Variants in FHIP1A observed in about 807,000 individuals in gnomAD.
FHIP1A encodes the protein FHF complex subunit HOOK interacting protein 1A, also known as FHF complex subunit HOOK-interacting protein 1A.
Under a neutral mutation model 88.6 loss-of-function variants are expected in FHIP1A, and 61 were observed. The ratio of observed to expected loss-of-function variants is 0.69; its 90% CI spans 0.56 to 0.85. FHIP1A has a LOEUF of 0.85. Among genes scored for constraint, FHIP1A ranks in the 40% least tolerant of loss-of-function variants. The probability of loss-of-function intolerance (pLI) is 0.00; values close to 1 mark genes in which losing one functional copy is unlikely to be tolerated. For missense variants in FHIP1A, 1,154 were observed against 1,273.5 expected, an observed-to-expected ratio of 0.91 and a Z score of 1.43; for synonymous variants, 478 against 496.0, an observed-to-expected ratio of 0.96 and a Z score of 0.48.
chr4:151,562,126 A>G (rs1036092031), intron 3 of FHIP1A, among the ~76,000 whole-genome samples: 2 of 152,190 alleles, frequency 1.3e-5, no homozygotes, highest in Non-Finnish European at 2.9e-5. Flanking sequence ...CTCAAAGCTC[A>G]GGTTCCCAGG....
At chr4:151,651,295 T>A (rs1192300897) in intron 11 of FHIP1A, among the ~76,000 whole-genome samples, 1 of 152,164 alleles carries the variant, frequency 6.6e-6, no homozygotes, top group African/African-American at 2.4e-5. Flanking sequence ...ATAGGCAGAT[T>A]AGGATGAGGA....
At chr4:151,633,804 C>G (rs868551795) in intron 8 of FHIP1A, among the ~76,000 whole-genome samples, 1 of 151,886 alleles carries the variant, frequency 6.6e-6, no homozygotes, top group Non-Finnish European at 1.5e-5. Flanking sequence ...GAAACAACTA[C>G]AACATATTAA....
rs538722999 is a variant in FHIP1A at position 151,620,657 on chromosome 4, C to A, written c.979-9045C>A. Among the ~76,000 whole-genome samples the A allele has an allele frequency of 3.0e-4, 46 of 152,142 alleles. No individual in the cohort carries two copies. In the South Asian group the frequency reaches 9.3e-3, roughly 31 times the overall value. On this transcript the variant is annotated intron_variant, in intron 7 of 13. Coordinates refer to ENST00000435205, the MANE Select transcript of FHIP1A (RefSeq NM_001109977.3). ...TACAGGTCCTACAGAGTCTCCTCAT[C>A]CCTGACCTCTCCATTACTTCTCTTC... is the stretch of plus-strand genomic sequence containing the variant.
chr4:151,449,623 AC>A (rs1315971318), intron 1 of FHIP1A, among the ~76,000 whole-genome samples: 48 of 152,240 alleles, frequency 3.2e-4, no homozygotes, highest in African/African-American at 1.1e-3. Flanking sequence ...AGAACACAGA[AC>A]TTATTCCTCC....
intron 4 of FHIP1A, among the ~76,000 whole-genome samples, chr4:151,572,905 A>G (rs1261752533): frequency 1.3e-5 from 2 of 152,226 alleles, no homozygotes; most frequent in African/African-American, 2.4e-5. Flanking sequence ...TGTAGCTGAC[A>G]TACAATTAAG....
intron 2 of FHIP1A, among the ~76,000 whole-genome samples, chr4:151,476,222 G>T (rs1729697822): frequency 6.8e-6 from 1 of 146,436 alleles, no homozygotes; most frequent in South Asian, 2.2e-4. Flanking sequence ...GCTCACTGTG[G>T]CCTCAAACTC....
chr4:151,650,817 A>G (rs1737003496), intron 11 of FHIP1A, among the ~76,000 whole-genome samples: 1 of 152,226 alleles, frequency 6.6e-6, no homozygotes, highest in Non-Finnish European at 1.5e-5. Flanking sequence ...TTTATTACTT[A>G]GTAACTTCTT....
chr4:151,457,469 A>G (rs1352502363), intron 2 of FHIP1A, among the ~76,000 whole-genome samples: 1 of 152,178 alleles, frequency 6.6e-6, no homozygotes, highest in Non-Finnish European at 1.5e-5. Flanking sequence ...CCTACCAGGA[A>G]AGGGAGAGAG....
chr4:151,581,154 G>A (rs992414068), intron 5 of FHIP1A, among the ~76,000 whole-genome samples: 2 of 152,140 alleles, frequency 1.3e-5, no homozygotes, highest in Non-Finnish European at 2.9e-5. Flanking sequence ...CACTGCGCCC[G>A]TCCAGAGTTT....
chr4:151,577,195 T>C lies in FHIP1A; in HGVS notation c.106-255T>C, dbSNP rs545719276. ...TGTAGCTTAATTTATATAACCATAC[T>C]ATTTTCTTCAATATTTAGATTGTTG... is the stretch of plus-strand genomic sequence containing the variant. On this transcript the variant is annotated intron_variant, in intron 4 of 13. Coordinates refer to ENST00000435205, the MANE Select transcript of FHIP1A (RefSeq NM_001109977.3). Among the ~76,000 whole-genome samples the C allele has an allele frequency of 7.2e-5, 11 of 152,308 alleles. No individual in the cohort carries two copies. The South Asian group carries it at 1.7e-3, about 23-fold the overall frequency.
intron 1 of FHIP1A, among the ~76,000 whole-genome samples, chr4:151,444,321 A>G (rs918381249): frequency 9.8e-5 from 15 of 152,298 alleles, no homozygotes; most frequent in African/African-American, 3.4e-4. Flanking sequence ...TTAAAAAATA[A>G]CATTTGAGTC....
rs1578884025 is a variant in FHIP1A at position 151,667,339 on chromosome 4, C to G, written c.*4585C>G. The G allele has an allele frequency of 6.6e-6, 1 of 152,302 alleles. No homozygotes were observed. The highest frequency in any genetic ancestry group is 2.1e-4 in the South Asian group (1 of 4,828). The allele number at this position is 152,302 out of a possible 1,614,324, so 9.4% of individuals were successfully genotyped here. ...CTGTCAAACCACTTTATGTTCCACC[C>G]TTAAATCACATCACTGAGGAAACAC... On this transcript the variant is annotated 3_prime_UTR_variant, in exon 14 of 14. Coordinates refer to ENST00000435205, the MANE Select transcript of FHIP1A (RefSeq NM_001109977.3).
chr4:151,410,276 C>T (rs187967566), intron 1 of FHIP1A, among the ~76,000 whole-genome samples: 1 of 152,320 alleles, frequency 6.6e-6, no homozygotes, highest in East Asian at 1.9e-4. Flanking sequence ...GCAGCCCCAG[C>T]TATCCAGGGA....
chr4:151,597,096 A>C (rs1734676666), intron 7 of FHIP1A, among the ~76,000 whole-genome samples: 1 of 152,014 alleles, frequency 6.6e-6, no homozygotes, highest in African/African-American at 2.4e-5. Flanking sequence ...CCTTTGGAGG[A>C]GAAGAGGCAT....
rs576097567 is a variant in FHIP1A, at chr4:151,512,836, T to A, written c.-123+30188T>A. Among the ~76,000 whole-genome samples, 6 of 152,340 alleles carry A rather than the reference T, an allele frequency of 3.9e-5. No individual in the cohort carries two copies. In the East Asian group the frequency reaches 5.8e-4, roughly 15 times the overall value. On this transcript the variant is annotated intron_variant, in intron 3 of 13. Transcript: ENST00000435205. Reference sequence around the variant, plus strand: ...CAAGTCTACCGCTGATTGGTGTACCTGAAAGTGATGGGGAGAATGGAACCA... The same window carrying A: ...CAAGTCTACCGCTGATTGGTGTACCAGAAAGTGATGGGGAGAATGGAACCA...
At chr4:151,521,739 A>G (rs1350706448) in intron 3 of FHIP1A, among the ~76,000 whole-genome samples, 1 of 151,910 alleles carries the variant, frequency 6.6e-6, no homozygotes, top group Admixed American at 6.6e-5. Context: ...TTATTTATTT[A>G]TTCAAGACAG....
chr4:151,640,985 G>T (rs1736566543), intron 9 of FHIP1A, among the ~76,000 whole-genome samples: 1 of 152,024 alleles, frequency 6.6e-6, no homozygotes, highest in African/African-American at 2.4e-5. Flanking sequence ...CATTTCTAGG[G>T]TGGGTGAGGA....
intron 7 of FHIP1A, among the ~76,000 whole-genome samples, chr4:151,618,214 T>C (rs555544348): frequency 6.6e-6 from 1 of 152,332 alleles, no homozygotes; most frequent in African/African-American, 2.4e-5. Context: ...TATATTAGAA[T>C]AGAGTGATGT....
chr4:151,514,014 C>T (rs2126681844), intron 3 of FHIP1A, among the ~76,000 whole-genome samples: 1 of 150,986 alleles, frequency 6.6e-6, no homozygotes, highest in East Asian at 1.9e-4. Flanking sequence ...TTTTCAGCAC[C>T]ACACCACACA....
Sources: allele counts gnomAD v4.1 joint callset (sites outside exome capture counted in the v4.1 genomes callset), GRCh38; gene constraint gnomAD v4.1.1; transcripts MANE v1.5; gene names NCBI Gene and HGNC (gene_info 2026-07-23, HGNC 2026-07-21).